NOP53: variants seen among roughly 807,000 people sequenced by gnomAD.
The protein encoded by NOP53 is NOP53 ribosome biogenesis factor.
NOP53 carries 40 observed loss-of-function variants against 61.0 expected under a neutral mutation model. That is an observed-to-expected ratio of 0.66 (90% confidence interval 0.51 to 0.85). NOP53 has a LOEUF of 0.85. Among genes scored for constraint, NOP53 ranks in the 40% least tolerant of loss-of-function variants. The pLI, the probability that NOP53 is intolerant of heterozygous loss-of-function variation, is 0.00. For synonymous variants in NOP53, 308 were observed against 289.5 expected (o/e 1.06, Z -0.65); for missense variants, 689 against 652.9 (o/e 1.06, Z -0.60).
At chr19:47,756,872 G>A (rs1967208083) in intron 12 of NOP53, 127 bp from the exon 13 acceptor site, 1 of 1,514,614 alleles carries the variant, frequency 6.6e-7, no homozygotes, top group Middle Eastern at 1.7e-4. Flanking sequence ...ATGCCCAGAA[G>A]AGGCCCTGAA....
At chr19:47,752,744 G>T (rs1334569689) in intron 6 of NOP53, 137 bp downstream of exon 6, 6 of 629,822 alleles carry the variant, frequency 9.5e-6, no homozygotes. Context: ...TCACGGTCCA[G>T]TGCAAGAGAC....
intron 2 of NOP53, 81 bp downstream of exon 2, chr19:47,747,112 T>A (rs1464338878): frequency 6.2e-6 from 7 of 1,129,860 alleles, no homozygotes; most frequent in Non-Finnish European, 9.2e-6. Context: ...TCTGTGTTAA[T>A]GATGTGGCTT....
At position 47,755,339 on chromosome 19, in the gene NOP53, T is replaced by A. The variant is rs1396698727; in HGVS notation, c.1054-9T>A. The A allele has an allele frequency of 6.7e-7, 1 of 1,488,142 alleles. No homozygotes were observed. Among genetic ancestry groups the A allele is most frequent in the Non-Finnish European group, 8.9e-7 (1 of 1,127,656 alleles). 92.2% of individuals were successfully genotyped at this position (1,488,142 alleles called of 1,614,324 possible). On this transcript the variant is annotated splice_polypyrimidine_tract_variant and intron_variant, in intron 8 of 12. Coordinates refer to ENST00000246802, the MANE Select transcript of NOP53 (RefSeq NM_015710.5). ...CGGCCTGAGCCCTGACCCTCCCCCG[T>A]CTCCACAGCGGGTACAGCAGGCCGC...
At chr19:47,747,694 C>G (rs905944961) in intron 2 of NOP53, among the ~76,000 whole-genome samples, 2 of 150,766 alleles carry the variant, frequency 1.3e-5, no homozygotes, top group African/African-American at 4.9e-5. Context: ...TCAGTTCAAG[C>G]GATTCTCCTG....
Position 47,751,022 on chromosome 19 carries a change from GCT to G in NOP53, c.515_516del (p.Leu172ProfsTer39). 1 of 1,601,536 alleles carries G rather than the reference GCT, an allele frequency of 6.2e-7. No individual in the cohort carries two copies. The highest frequency in any genetic ancestry group is 8.5e-7 in the Non-Finnish European group (1 of 1,175,200). ...GGGAGGTGCGCAGGGCCCAGGCCCG[GCT>G]CCTCAACCCTTCTGCAACAAGGGCC... ...PREVRRAQAR[L>X]LNPSATRAKP... On this transcript the variant is annotated frameshift_variant, in exon 4 of 13. Transcript: ENST00000246802. LOFTEE classifies it high-confidence loss of function.
chr19:47,754,180 G>C lies in NOP53; in HGVS notation c.766-347G>C, dbSNP rs1048702911. On this transcript the variant is annotated intron_variant, in intron 6 of 12. Transcript: ENST00000246802. The surrounding 1 kb of genome is among the most constrained non-coding windows in gnomAD (Gnocchi z 4.2). ...TAATAGTAGCTACTCGGGAGGCTGA[G>C]GCAGGAGAATCGCTTGAACCCAGGA... 1.2e-5 allele frequency: 3 copies of C among 243,408 alleles called. No individual in the cohort carries two copies. Among genetic ancestry groups the C allele is most frequent in the Non-Finnish European group, 1.6e-5 (2 of 125,360 alleles). The allele number at this position is 243,408 out of a possible 1,614,324, so 15.1% of individuals were successfully genotyped here.
chr19:47,748,204 C>T (rs11672398), intron 2 of NOP53, among the ~76,000 whole-genome samples: 86,050 of 151,700 alleles, frequency 0.57, 26,853 homozygotes, highest in South Asian at 0.72. Context: ...GGGTTATAGG[C>T]GTGAGCCGCT....
At position 47,750,270 on chromosome 19, in the gene NOP53, G is replaced by C; in HGVS notation, c.382G>C (p.Val128Leu). ...CCTCATCCTCGAGAACACATCCAAA[G>C]TCCCTGCCCCCAAAGAGTGAGTGTC... ...VDLILENTSK[V>L]PAPKDVLAHQ... The change falls in exon 3 of 13, where the codon GTC (valine) becomes CTC (leucine). Residue 128 changes from valine (V) to leucine (L), a missense_variant. Physicochemically the swap from Val to Leu is conservative, Grantham distance 32. Transcript: ENST00000246802. The C allele has an allele frequency of 6.2e-7, 1 of 1,601,522 alleles. No individual in the cohort carries two copies. The highest frequency in any genetic ancestry group is 8.6e-7 in the Non-Finnish European group (1 of 1,168,552).
chr19:47,752,657 T>C (rs1440718617), intron 6 of NOP53, 50 bp downstream of exon 6: 1 of 1,143,114 alleles, frequency 8.7e-7, no homozygotes, highest in Non-Finnish European at 1.3e-6. Flanking sequence ...TGCCTCTTGG[T>C]CAGGCCTTCA....
At chr19:47,750,745 A>G (rs1386404588) in intron 3 of NOP53, among the ~76,000 whole-genome samples, 163 bp from the exon 4 acceptor site, 2 of 152,036 alleles carry the variant, frequency 1.3e-5, no homozygotes, top group Non-Finnish European at 2.9e-5. Context: ...CTGGAGACAG[A>G]CGTGGGGAGA....
intron 2 of NOP53, among the ~76,000 whole-genome samples, chr19:47,748,144 C>T (rs571140132): frequency 2.8e-4 from 42 of 152,066 alleles, no homozygotes; most frequent in African/African-American, 1.0e-3. Context: ...AGGCTGGTCT[C>T]AAACTCCTGA....
At chr19:47,748,803 C>T (rs531427391) in intron 2 of NOP53, among the ~76,000 whole-genome samples, 14 of 152,076 alleles carry the variant, frequency 9.2e-5, no homozygotes, top group African/African-American at 2.9e-4. Flanking sequence ...CGCTTGAACC[C>T]GGGAGGCAGA....
In NOP53 at chr19:47,756,597, A is replaced by C; in HGVS notation, c.1366A>C (p.Arg456=). 1 of 1,613,994 alleles carries C rather than the reference A, an allele frequency of 6.2e-7. No individual in the cohort carries two copies. The highest frequency in any genetic ancestry group is 8.5e-7 in the Non-Finnish European group (1 of 1,179,940). ...QRRNMIEPRE[R]AKFKRKYKVK... ...GAGGAATATGATCGAGCCTCGAGAG[A>C]GAGCCAAGTAAGGGGCGGCCGGGGC... The change falls in exon 11 of 13, where the codon AGA becomes CGA. Residue 456 remains arginine (R), a synonymous_variant. Transcript: ENST00000246802.
chr19:47,751,151 A>G (rs1368194118), intron 4 of NOP53, 44 bp downstream of exon 4: 2 of 1,523,690 alleles, frequency 1.3e-6, no homozygotes, highest in Admixed American at 1.9e-5. Flanking sequence ...CAGGACGGCC[A>G]TGTGCAGTTT....
At chr19:47,748,998 C>G (rs1967094626) in intron 2 of NOP53, among the ~76,000 whole-genome samples, 1 of 152,028 alleles carries the variant, frequency 6.6e-6, no homozygotes. Flanking sequence ...CCCGTCTTTA[C>G]TAAGAGTACA....
intron 9 of NOP53, 98 bp downstream of exon 9, chr19:47,755,621 C>A (rs567797079): frequency 4.4e-6 from 6 of 1,350,646 alleles, no homozygotes; most frequent in African/African-American, 4.3e-5. Flanking sequence ...GCCCACCCCC[C>A]CCATCGGGAG....
chr19:47,746,390 G>A (rs1354314041), intron 1 of NOP53: 1 of 151,262 alleles, frequency 6.6e-6, no homozygotes, highest in Non-Finnish European at 1.5e-5. Flanking sequence ...TTGAGACGGA[G>A]TCTTTCTCTG....
intron 2 of NOP53, among the ~76,000 whole-genome samples, chr19:47,747,897 C>G (rs186621025): frequency 1.3e-4 from 19 of 150,950 alleles, no homozygotes; most frequent in African/African-American, 4.1e-4. Context: ...TCTCCTGCCT[C>G]AGCCTCCTGA....
In NOP53 at chr19:47,755,753, C is replaced by T; in HGVS notation, c.1230-3C>T. On this transcript the variant is annotated splice_polypyrimidine_tract_variant and splice_region_variant and intron_variant, in intron 9 of 12. Coordinates refer to ENST00000246802, the MANE Select transcript of NOP53 (RefSeq NM_015710.5). ...ATTTCTGAACACCCGCCCTGTTCTG[C>T]AGGTACCAGGCACCTGACATCGACG... is the stretch of plus-strand genomic sequence containing the variant. The T allele has an allele frequency of 6.2e-7, 1 of 1,608,216 alleles. No homozygotes were observed. Among genetic ancestry groups the T allele is most frequent in the Non-Finnish European group, 8.5e-7 (1 of 1,177,874 alleles).
Sources: allele counts gnomAD v4.1 joint callset (sites outside exome capture counted in the v4.1 genomes callset), GRCh38; gene constraint gnomAD v4.1.1; non-coding constraint Gnocchi (gnomAD v3.1); transcripts MANE v1.5; gene names NCBI Gene and HGNC (gene_info 2026-07-23, HGNC 2026-07-21).